The following ARID5B variants were observed in gnomAD, a reference collection of about 807,000 sequenced individuals.
ARID5B encodes AT-rich interactive domain-containing protein 5B.
In ARID5B, 13 loss-of-function variants were observed where a neutral mutation model predicts 97.2. That is an observed-to-expected ratio of 0.13 (90% CI 0.09 to 0.21). The LOEUF (loss-of-function observed/expected upper bound fraction) is 0.21. Ranked by LOEUF, ARID5B falls within the 10% of genes least tolerant of loss-of-function variation. ARID5B has a pLI of 1.00. For synonymous variants in ARID5B, 556 were observed against 570.3 expected (o/e 0.97, Z 0.36); for missense variants, 1,210 against 1,465.3 (o/e 0.83, Z 2.84).
intron 2 of ARID5B, among the ~76,000 whole-genome samples, chr10:61,934,937 C>T (rs1388123498): frequency 6.6e-6 from 1 of 151,612 alleles, no homozygotes; most frequent in South Asian, 2.1e-4. Flanking sequence ...TGTCTGAATC[C>T]CGGAGGCGGA....
At chr10:61,947,767 CTT>C (rs1012516677) in intron 3 of ARID5B, among the ~76,000 whole-genome samples, 2 of 152,182 alleles carry the variant, frequency 1.3e-5, no homozygotes, top group African/African-American at 4.8e-5. Context: ...ACTCAGCCAT[CTT>C]GGCTATTCCT....
At chr10:62,077,952 G>T (rs1357678875) in intron 8 of ARID5B, among the ~76,000 whole-genome samples, 1 of 152,158 alleles carries the variant, frequency 6.6e-6, no homozygotes, top group Non-Finnish European at 1.5e-5. Context: ...GAATGTAATT[G>T]TTTACCATTA....
chr10:62,034,614 G>A (rs953314029), intron 4 of ARID5B, among the ~76,000 whole-genome samples: 10 of 152,140 alleles, frequency 6.6e-5, no homozygotes, highest in East Asian at 1.9e-4. Flanking sequence ...TTTAATTCCC[G>A]CTGAACAATT....
chr10:61,909,982 T>C (rs1843775017), intron 2 of ARID5B, among the ~76,000 whole-genome samples: 2 of 152,168 alleles, frequency 1.3e-5, no homozygotes, highest in Admixed American at 1.3e-4. Context: ...TGGCAACCTA[T>C]GAAAAGACTA....
chr10:61,912,162 G>A (rs775771516), intron 2 of ARID5B, among the ~76,000 whole-genome samples: 1 of 152,150 alleles, frequency 6.6e-6, no homozygotes, highest in Non-Finnish European at 1.5e-5. Flanking sequence ...AAGCACAAAG[G>A]ATCGCAGTAT....
At chr10:61,979,289 A>C (rs1272088048) in intron 3 of ARID5B, among the ~76,000 whole-genome samples, 2 of 152,198 alleles carry the variant, frequency 1.3e-5, no homozygotes, top group African/African-American at 4.8e-5. Context: ...CAGTTATTTA[A>C]ATACTTGTGG....
chr10:62,043,677 T>G (rs1281680232), intron 4 of ARID5B, among the ~76,000 whole-genome samples: 1 of 152,190 alleles, frequency 6.6e-6, no homozygotes, highest in Admixed American at 6.5e-5. Flanking sequence ...TTTTAAGTGT[T>G]TCTGAGAAAT....
At chr10:61,919,102 A>G (rs1843964149) in intron 2 of ARID5B, among the ~76,000 whole-genome samples, 1 of 146,070 alleles carries the variant, frequency 6.8e-6, no homozygotes, top group Non-Finnish European at 1.5e-5. Flanking sequence ...GGCCATGTCA[A>G]AATTAACTGA....
chr10:61,948,489 C>T (rs1344299707), intron 3 of ARID5B, among the ~76,000 whole-genome samples: 1 of 150,814 alleles, frequency 6.6e-6, no homozygotes, highest in Admixed American at 6.6e-5. Flanking sequence ...GCCTCAGCCT[C>T]CCGAGTAGCT....
intron 3 of ARID5B, among the ~76,000 whole-genome samples, chr10:61,941,904 G>A (rs551395469): frequency 2.0e-5 from 3 of 152,220 alleles, no homozygotes; most frequent in African/African-American, 7.2e-5. Flanking sequence ...TATGACTTGC[G>A]GTAATGCTGA....
At chr10:62,034,909 C>A (rs1377914253) in intron 4 of ARID5B, among the ~76,000 whole-genome samples, 1 of 152,196 alleles carries the variant, frequency 6.6e-6, no homozygotes, top group Non-Finnish European at 1.5e-5. Context: ...GCCATCTTCC[C>A]CAGGGAAATT....
chr10:61,910,046 G>A (rs371984122), intron 2 of ARID5B, among the ~76,000 whole-genome samples: 12 of 152,148 alleles, frequency 7.9e-5, no homozygotes, highest in African/African-American at 2.2e-4. Context: ...CAGTTCATAC[G>A]AGCCAGCATG....
chr10:61,966,631 C>T (rs1431758874), intron 3 of ARID5B, among the ~76,000 whole-genome samples: 1 of 152,096 alleles, frequency 6.6e-6, no homozygotes, highest in African/African-American at 2.4e-5. Flanking sequence ...TCCCTTAAGG[C>T]ACCCCATAAG....
rs541412107 is a variant in ARID5B, at chr10:61,990,500, G to A, written c.503-9591G>A. On this transcript the variant is annotated intron_variant, in intron 3 of 9. Coordinates refer to ENST00000279873, the MANE Select transcript of ARID5B (RefSeq NM_032199.3). ...CCTGTGGTGAACTAATGAAATGACT[G>A]CTCTTATCCTTTGGAAGAAGGCTCA... 1.4e-3 allele frequency among the ~76,000 whole-genome samples: 212 copies of A among 152,272 alleles called. 1 individual carries two copies. The highest frequency in any genetic ancestry group is 1.2e-3 in the Non-Finnish European group (84 of 68,018).
At chr10:62,001,506 G>GC (rs1373766685) in intron 4 of ARID5B, among the ~76,000 whole-genome samples, 1 of 152,194 alleles carries the variant, frequency 6.6e-6, no homozygotes, top group East Asian at 1.9e-4. Context: ...CTTATCCTTT[G>GC]CAGACCTTGG....
At chr10:61,901,965 G>A (rs1425037227) in intron 1 of ARID5B, among the ~76,000 whole-genome samples, 194 bp from the exon 2 acceptor site, 1 of 146,262 alleles carries the variant, frequency 6.8e-6, no homozygotes, top group Non-Finnish European at 1.5e-5. Context: ...GGCGGTGGGG[G>A]GCCCTGAGTT....
At chr10:62,034,983 G>C (rs746892385) in intron 4 of ARID5B, among the ~76,000 whole-genome samples, 2 of 152,180 alleles carry the variant, frequency 1.3e-5, no homozygotes, top group African/African-American at 4.8e-5. Context: ...CCAGTAGCCC[G>C]GTGGGCTTGA....
chr10:61,959,980 C>T (rs4948492), intron 3 of ARID5B, among the ~76,000 whole-genome samples: 104,641 of 151,974 alleles, frequency 0.69, 36,460 homozygotes, highest in African/African-American at 0.77. Context: ...CCATGAACTC[C>T]TTGTTAAGGA....
At chr10:61,955,942 C>T (rs1250984263) in intron 3 of ARID5B, among the ~76,000 whole-genome samples, 3 of 152,148 alleles carry the variant, frequency 2.0e-5, no homozygotes, top group African/African-American at 7.2e-5. Flanking sequence ...TGAGCCACTG[C>T]ACCAGGCCCA....
Sources: gnomAD v4.1 joint callset for allele counts (sites outside exome capture counted in the v4.1 genomes callset) on GRCh38, gnomAD v4.1.1 for gene constraint, MANE v1.5 for transcripts, NCBI Gene and HGNC (gene_info 2026-07-23, HGNC 2026-07-21) for gene names.